DEFB110: variants seen among roughly 807,000 people sequenced by gnomAD.
The protein encoded by DEFB110 is beta-defensin 110.
In DEFB110, 4 loss-of-function variants were observed where a neutral mutation model predicts 2.5. That is an observed-to-expected ratio of 1.60 (90% CI 0.79 to 3.66). DEFB110 has a LOEUF of 3.66. Among genes scored for constraint, DEFB110 ranks in the 30% most tolerant of loss-of-function variants. The pLI, the probability that DEFB110 is intolerant of heterozygous loss-of-function variation, is 0.01. For synonymous variants in DEFB110, 29 were observed against 21.8 expected (o/e 1.33, Z -0.92); for missense variants, 94 against 75.4 (o/e 1.25, Z -0.91).
chr6:50,012,266 T>C (rs1347713047), intron 1 of DEFB110, among the ~76,000 whole-genome samples: 2 of 151,954 alleles, frequency 1.3e-5, no homozygotes, highest in Non-Finnish European at 2.9e-5. Flanking sequence ...AACCACAAAA[T>C]TCTCGTCTTA....
chr6:50,011,202 A>T (rs1160008510), intron 1 of DEFB110, among the ~76,000 whole-genome samples: 1 of 151,426 alleles, frequency 6.6e-6, no homozygotes, highest in Admixed American at 6.6e-5. Context: ...TATATATATC[A>T]ATATATAAAA....
intron 1 of DEFB110, among the ~76,000 whole-genome samples, chr6:50,012,594 A>G (rs1774246930): frequency 6.6e-6 from 1 of 151,988 alleles, no homozygotes; most frequent in African/African-American, 2.4e-5. Context: ...GAGGTAATAC[A>G]TAAGGAAAAA....
downstream of DEFB110, among the ~76,000 whole-genome samples, chr6:50,013,976 ACT>A (rs1774273579): frequency 6.6e-6 from 1 of 151,808 alleles, no homozygotes; most frequent in Admixed American, 6.6e-5. Context: ...AGTAATAAAT[ACT>A]GTTTTGTGGT....
chr6:50,020,561 A>G (rs533101571), intron 1 of DEFB110, among the ~76,000 whole-genome samples: 1 of 152,242 alleles, frequency 6.6e-6, no homozygotes, highest in East Asian at 1.9e-4. Flanking sequence ...GTCTTCTCAA[A>G]GGCCAGGCCT....
chr6:50,011,227 T>C (rs556585323), intron 1 of DEFB110, among the ~76,000 whole-genome samples: 9 of 151,854 alleles, frequency 5.9e-5, no homozygotes, highest in African/African-American at 2.2e-4. Flanking sequence ...TTTTAAGGTG[T>C]TGAATGCTAT....
At chr6:50,018,110 C>T (rs12208740), downstream of DEFB110, among the ~76,000 whole-genome samples, 21,041 of 151,740 alleles carry the variant, frequency 0.14, 1,677 homozygotes, top group Middle Eastern at 0.24. Flanking sequence ...ACAAATGGTA[C>T]AGATGCATCA....
intron 1 of DEFB110, among the ~76,000 whole-genome samples, chr6:50,010,659 A>T (rs1774212519): frequency 6.6e-6 from 1 of 151,526 alleles, no homozygotes; most frequent in Admixed American, 6.6e-5. Flanking sequence ...AAACTAATTT[A>T]TAATGACAGA....
At chr6:50,015,494 T>C (rs1342527077), downstream of DEFB110, among the ~76,000 whole-genome samples, 1 of 151,752 alleles carries the variant, frequency 6.6e-6, no homozygotes, top group East Asian at 1.9e-4. Flanking sequence ...CTCCCAGGTG[T>C]TCCCCACACA....
chr6:50,013,780 T>C lies in DEFB110; in HGVS notation c.56-4509A>G, dbSNP rs77101264. On this transcript the variant is annotated intron_variant, in intron 1 of 1. Coordinates refer to the DEFB110 transcript ENST00000393660. ...GACATAGAGAAGCAATGACCAGAAG[T>C]GTTTTAGCTTCTAAGACTGCGTGAC... 8.8e-3 allele frequency among the ~76,000 whole-genome samples: 1,342 copies of C among 151,938 alleles called. 15 individuals carry two copies. The highest frequency in any genetic ancestry group is 0.028 in the African/African-American group (1,150 of 41,518).
chr6:50,019,183 T>C, intron 1 of DEFB110, 58 bp from the exon 2 acceptor site: 1 of 1,548,556 alleles, frequency 6.5e-7, no homozygotes. Context: ...ATCCATGTTT[T>C]AAAAGGAGAA....
chr6:50,016,306 T>A (rs1172003603), downstream of DEFB110, among the ~76,000 whole-genome samples: 1 of 151,860 alleles, frequency 6.6e-6, no homozygotes, highest in Non-Finnish European at 1.5e-5. Context: ...AAAATTTCCA[T>A]CACTTAGTGG....
intron 1 of DEFB110, among the ~76,000 whole-genome samples, chr6:50,021,419 T>G (rs1774416643): frequency 6.6e-6 from 1 of 152,168 alleles, no homozygotes; most frequent in Admixed American, 6.6e-5. Flanking sequence ...TTTCAATAAT[T>G]ATTATTTCTG....
chr6:50,010,678 C>T (rs1774212680), intron 1 of DEFB110, among the ~76,000 whole-genome samples: 2 of 150,830 alleles, frequency 1.3e-5, no homozygotes, highest in African/African-American at 2.4e-5. Context: ...GAATCCCTAC[C>T]TTTGGTGAAT....
chr6:50,016,777 C>T (rs186221530), downstream of DEFB110, among the ~76,000 whole-genome samples: 7 of 151,820 alleles, frequency 4.6e-5, no homozygotes, highest in African/African-American at 1.4e-4. Flanking sequence ...CATTCTCCTT[C>T]AATTTTCTTA....
At chr6:50,019,636 G>T (rs1211464104) in intron 1 of DEFB110, among the ~76,000 whole-genome samples, 1 of 151,550 alleles carries the variant, frequency 6.6e-6, no homozygotes, top group East Asian at 1.9e-4. Flanking sequence ...ATTTCCCAAA[G>T]AAATCATCTA....
chr6:50,017,997 T>C (rs1438479404), downstream of DEFB110, among the ~76,000 whole-genome samples: 2 of 151,962 alleles, frequency 1.3e-5, no homozygotes, highest in Non-Finnish European at 2.9e-5. Context: ...TATTATGATG[T>C]TGTGGTATTG....
downstream of DEFB110, among the ~76,000 whole-genome samples, chr6:50,017,326 A>AT (rs954613419): frequency 1.3e-5 from 2 of 151,746 alleles, no homozygotes; most frequent in African/African-American, 2.4e-5. Flanking sequence ...AATCTCACTG[A>AT]TTTTTTTATT....
intron 1 of DEFB110, 127 bp from the exon 2 acceptor site, chr6:50,019,252 T>G: frequency 1.0e-6 from 1 of 974,444 alleles, no homozygotes; most frequent in Admixed American, 2.6e-5. Flanking sequence ...GAGGAAAGTT[T>G]AAGTGAATTT....
intron 1 of DEFB110, among the ~76,000 whole-genome samples, chr6:50,012,221 T>A (rs977761246): frequency 2.6e-5 from 4 of 152,022 alleles, no homozygotes; most frequent in Admixed American, 6.6e-5. Flanking sequence ...TTGTTACTAG[T>A]GTTTAATTCC....
Sources: gnomAD v4.1 joint callset for allele counts (sites outside exome capture counted in the v4.1 genomes callset) on GRCh38, gnomAD v4.1.1 for gene constraint, MANE v1.5 for transcripts, NCBI Gene and HGNC (gene_info 2026-07-23, HGNC 2026-07-21) for gene names.